The following TTC3 variants were observed in gnomAD, a reference collection of about 807,000 sequenced individuals.
TTC3 encodes the protein E3 ubiquitin-protein ligase TTC3.
Under a neutral mutation model 249.6 loss-of-function variants are expected in TTC3, and 180 were observed. The ratio of observed to expected loss-of-function variants is 0.72; its 90% CI spans 0.64 to 0.82. The LOEUF (loss-of-function observed/expected upper bound fraction) is 0.82, where lower values mean the gene tolerates loss of function less well. Among genes scored for constraint, TTC3 ranks in the 40% least tolerant of loss-of-function variants. The probability of loss-of-function intolerance (pLI) is 0.00; values close to 1 mark genes in which losing one functional copy is unlikely to be tolerated. For missense variants in TTC3, 2,061 were observed against 2,398.4 expected, an observed-to-expected ratio of 0.86 and a Z score of 2.94; for synonymous variants, 717 against 805.0, an observed-to-expected ratio of 0.89 and a Z score of 1.85.
intron 28 of TTC3, among the ~76,000 whole-genome samples, chr21:37,159,009 C>T (rs1017697030): frequency 1.3e-5 from 2 of 152,170 alleles, no homozygotes; most frequent in Non-Finnish European, 2.9e-5. Flanking sequence ...ATCTGTCTAA[C>T]ATTCTGTTAA....
intron 42 of TTC3, among the ~76,000 whole-genome samples, chr21:37,197,282 TA>T (rs1013631482): frequency 2.0e-5 from 3 of 149,350 alleles, no homozygotes; most frequent in African/African-American, 7.4e-5. Flanking sequence ...CATCTCTTCT[TA>T]AAAAAAAATG....
At chr21:37,113,295 G>T (rs533595405) in intron 11 of TTC3, among the ~76,000 whole-genome samples, 1 of 152,154 alleles carries the variant, frequency 6.6e-6, no homozygotes, top group Non-Finnish European at 1.5e-5. Context: ...AAACCCCATC[G>T]TCTCAGCCCA....
At chr21:37,137,580 CA>C (rs2078068694) in intron 18 of TTC3, among the ~76,000 whole-genome samples, 1 of 151,796 alleles carries the variant, frequency 6.6e-6, no homozygotes, top group Non-Finnish European at 1.5e-5. Flanking sequence ...TATACATGAA[CA>C]AAAAAAGTCA....
chr21:37,127,505 C>A (rs1047711687), intron 15 of TTC3, among the ~76,000 whole-genome samples: 4 of 152,184 alleles, frequency 2.6e-5, no homozygotes, highest in African/African-American at 7.2e-5. Context: ...TGATGAAAAT[C>A]CTCTAAAGTA....
chr21:37,162,101 C>CA (rs1569105729), intron 31 of TTC3, 38 bp downstream of exon 31: 1 of 1,267,204 alleles, frequency 7.9e-7, no homozygotes, highest in East Asian at 2.4e-5. Context: ...CATTTTAACT[C>CA]AAATGTCTTT....
chr21:37,080,115 C>A (rs543711080), intron 1 of TTC3, among the ~76,000 whole-genome samples: 2 of 151,998 alleles, frequency 1.3e-5, no homozygotes, highest in East Asian at 3.9e-4. Context: ...AATTTTCAAC[C>A]ATTCCGATTT....
At chr21:37,157,119 G>T in intron 28 of TTC3, 1 of 1,407,504 alleles carries the variant, frequency 7.1e-7, no homozygotes, top group Non-Finnish European at 9.6e-7. Context: ...CTCAAATGTA[G>T]GTATGTTATG....
chr21:37,164,714 G>C (rs2835639), intron 32 of TTC3, among the ~76,000 whole-genome samples: 80,908 of 151,958 alleles, frequency 0.53, 22,161 homozygotes, highest in African/African-American at 0.64. Context: ...AGTCGATACT[G>C]AGTGGGGTGG....
intron 11 of TTC3, among the ~76,000 whole-genome samples, chr21:37,112,102 A>G (rs1232663678): frequency 6.6e-6 from 1 of 152,192 alleles, no homozygotes; most frequent in Non-Finnish European, 1.5e-5. Context: ...AGCAGGAAAG[A>G]TCTAAAATTG....
exon 5 of TTC3, chr21:37,088,884 G>T (rs781111366): frequency 3.7e-6 from 6 of 1,613,308 alleles, no homozygotes; most frequent in Admixed American, 1.7e-5. Flanking sequence ...AAAGAAAGTT[G>T]CTGTAAGTGG....
chr21:37,178,225 T>G (rs1352154935), intron 35 of TTC3, among the ~76,000 whole-genome samples: 1 of 152,254 alleles, frequency 6.6e-6, no homozygotes, highest in Non-Finnish European at 1.5e-5. Context: ...ACTAGTTGAT[T>G]GACATTTGCG....
intron 16 of TTC3, among the ~76,000 whole-genome samples, chr21:37,131,964 C>T (rs944235796): frequency 6.6e-6 from 1 of 152,146 alleles, no homozygotes; most frequent in African/African-American, 2.4e-5. Context: ...TCACATTGAA[C>T]ATCTTTGCAC....
chr21:37,174,233 C>CT (rs944259138), intron 35 of TTC3, among the ~76,000 whole-genome samples: 11 of 151,948 alleles, frequency 7.2e-5, no homozygotes, highest in Non-Finnish European at 1.5e-4. Context: ...AGCTCTCAGG[C>CT]TTTTTTTTAA....
intron 27 of TTC3, among the ~76,000 whole-genome samples, chr21:37,156,336 C>T (rs992915325): frequency 6.6e-6 from 1 of 152,108 alleles, no homozygotes; most frequent in Non-Finnish European, 1.5e-5. Context: ...CATACCTGGC[C>T]TCATTGTTAT....
intron 11 of TTC3, among the ~76,000 whole-genome samples, chr21:37,110,274 A>G (rs1248993772): frequency 6.7e-6 from 1 of 149,750 alleles, no homozygotes; most frequent in African/African-American, 2.4e-5. Flanking sequence ...TAAAGGAGGA[A>G]GTTCGAACCA....
rs779286362 is a variant in TTC3, at chr21:37,150,904, A to G, written c.2276+20A>G. On this transcript the variant is annotated intron_variant, in intron 25 of 45. Transcript: ENST00000355666. ...TTCTAGGTAAGATTTTTAACAATCA[A>G]TCAGTGGTTTGATGATGTCTCTTAG... is the stretch of plus-strand genomic sequence containing the variant. 6.5e-6 allele frequency: 10 copies of G among 1,548,138 alleles called. No individual in the cohort carries two copies. Among genetic ancestry groups the G allele is most frequent in the African/African-American group, 2.7e-5 (2 of 73,180 alleles).
intron 1 of TTC3, among the ~76,000 whole-genome samples, chr21:37,074,387 G>C (rs1948935645): frequency 1.3e-5 from 2 of 152,244 alleles, no homozygotes; most frequent in South Asian, 4.1e-4. Flanking sequence ...GCTGGTACCA[G>C]TGCGCCGTGC....
chr21:37,121,227 T>C (rs1193053991), intron 11 of TTC3: 1 of 152,196 alleles, frequency 6.6e-6, no homozygotes, highest in African/African-American at 2.4e-5. Context: ...TGGTTTTTGG[T>C]TTCTTAAAGC....
chr21:37,094,230 A>G (rs182935429), intron 8 of TTC3, 140 bp downstream of exon 8: 2 of 513,390 alleles, frequency 3.9e-6, no homozygotes, highest in Admixed American at 3.8e-5. Context: ...TAATATCTTG[A>G]TCAGAGTTCT....
Sources: allele counts gnomAD v4.1 joint callset (sites outside exome capture counted in the v4.1 genomes callset), GRCh38; gene constraint gnomAD v4.1.1; transcripts MANE v1.5; gene names NCBI Gene and HGNC (gene_info 2026-07-23, HGNC 2026-07-21).